GLE1: variants seen among roughly 807,000 people sequenced by gnomAD.
The protein encoded by GLE1 is GLE1 RNA export mediator.
A neutral mutation model predicts 97.3 loss-of-function variants in GLE1; 78 were observed. The ratio of observed to expected loss-of-function variants is 0.80; its 90% CI spans 0.67 to 0.97. The LOEUF (loss-of-function observed/expected upper bound fraction) is 0.97. Among genes scored for constraint, GLE1 ranks in the 50% least tolerant of loss-of-function variants. The pLI is 0.00. For missense variants in GLE1, 753 were observed against 857.5 expected, an observed-to-expected ratio of 0.88 and a Z score of 1.52; for synonymous variants, 302 against 313.4, an observed-to-expected ratio of 0.96 and a Z score of 0.39.
In GLE1 at chr9:128,524,072, C is replaced by CTTTTTTT. The variant is rs67466089; in HGVS notation, c.897+245_897+251dup. Reference sequence around the variant, plus strand: ...TTTTTATACCTGCTTATTCTGGAGTCTTTTTTTTTTTTTTTTTTTTTTTTT... The same window carrying CTTTTTTT: ...TTTTTATACCTGCTTATTCTGGAGTCTTTTTTTTTTTTTTTTTTTTTTTTTTTTTTTT... On this transcript the variant is annotated intron_variant, in intron 6 of 15. Coordinates refer to ENST00000309971, the MANE Select transcript of GLE1 (RefSeq NM_001003722.2). 1.1e-3 allele frequency among the ~76,000 whole-genome samples: 76 copies of CTTTTTTT among 69,978 alleles called. 1 individual carries two copies. Among genetic ancestry groups the CTTTTTTT allele is most frequent in the African/African-American group, 5.4e-3 (74 of 13,784 alleles). 45.9% of individuals were successfully genotyped at this position (69,978 alleles called of 152,430 possible).
Position 128,539,939 on chromosome 9 carries a change from G to A in GLE1, c.1964+241G>A, listed in dbSNP as rs993839506. On this transcript the variant is annotated intron_variant, in intron 14 of 15. Transcript: ENST00000309971. ...ACACAAATTAGGGGCTGAGCACAGT[G>A]GCTTATGCCTATAATTATGCCTATA... is the stretch of plus-strand genomic sequence containing the variant. 3.6e-6 allele frequency: 4 copies of A among 1,104,832 alleles called. No homozygotes were observed. In the African/African-American group the frequency reaches 6.3e-5, roughly 17 times the overall value. 68.4% of individuals were successfully genotyped at this position (1,104,832 alleles called of 1,614,324 possible).
At chr9:128,510,767 G>A (rs1329297705) in intron 2 of GLE1, among the ~76,000 whole-genome samples, 3 of 149,866 alleles carry the variant, frequency 2.0e-5, no homozygotes, top group Non-Finnish European at 4.4e-5. Context: ...GACCTCAGAT[G>A]ATCTACCCAC....
In GLE1 at chr9:128,509,856, C is replaced by T. The variant is rs116961622; in HGVS notation, c.321+759C>T. Among the ~76,000 whole-genome samples the T allele has an allele frequency of 9.6e-3, 1,465 of 151,820 alleles. 32 individuals carry two copies. The highest frequency in any genetic ancestry group is 0.073 in the East Asian group (375 of 5,158). On this transcript the variant is annotated intron_variant, in intron 2 of 15. Coordinates refer to ENST00000309971, the MANE Select transcript of GLE1 (RefSeq NM_001003722.2). ...AGCTTGTTGTCCTAGCTACTTGGGA[C>T]ATTGAGATGGGAGGATCACTTGAGC...
chr9:128,533,521 C>T lies in GLE1; in HGVS notation c.1321C>T (p.Leu441=), dbSNP rs1376659222. 10 of 1,582,042 alleles carry T rather than the reference C, an allele frequency of 6.3e-6. No homozygotes were observed. Among genetic ancestry groups the T allele is most frequent in the Non-Finnish European group, 8.6e-6 (10 of 1,159,490 alleles). The change falls in exon 10 of 16, where the codon CTG becomes TTG. Residue 441 remains leucine (L), a synonymous_variant. Coordinates refer to ENST00000309971, the MANE Select transcript of GLE1 (RefSeq NM_001003722.2). ...CTCTCTATCATGCTCAGGCTCAAAACTGAAGGAGATCTTTGACAAGATCCA... is the reference window on the plus strand; with the variant it reads ...CTCTCTATCATGCTCAGGCTCAAAATTGAAGGAGATCTTTGACAAGATCCA... The part of the protein sequence containing the change: ...SQISTIAGSK[L]KEIFDKIHSL...
At chr9:128,530,634 G>T (rs552976135) in intron 9 of GLE1, among the ~76,000 whole-genome samples, 48 of 152,250 alleles carry the variant, frequency 3.2e-4, no homozygotes, top group African/African-American at 1.1e-3. Flanking sequence ...GGTGGGCCGG[G>T]CGCGGTGGTT....
Position 128,522,706 on chromosome 9 carries a change from G to C in GLE1, c.471G>C (p.Lys157Asn). ...TATGGCAGGAGGAGCAGGAGAGGAA[G>C]GTGCAAGCCCTCTCGGAGATGGCAT... ...LRLWQEEQER[K>N]VQALSEMASE... is the part of the protein sequence containing the mutation. The change falls in exon 4 of 16, where the codon AAG becomes AAC. Residue 157 changes from lysine (K) to asparagine (N), a missense_variant. Coordinates refer to ENST00000309971, the MANE Select transcript of GLE1 (RefSeq NM_001003722.2). 6.2e-7 allele frequency: 1 copy of C among 1,613,400 alleles called. No individual in the cohort carries two copies. The highest frequency in any genetic ancestry group is 8.5e-7 in the Non-Finnish European group (1 of 1,179,842).
chr9:128,531,831 C>CAAAAAAA (rs1206684667), intron 9 of GLE1, among the ~76,000 whole-genome samples: 1 of 51,872 alleles, frequency 1.9e-5, no homozygotes, highest in South Asian at 6.4e-4. Context: ...GACTCCAGCT[C>CAAAAAAA]AAAAAAAAAA....
At chr9:128,540,013 T>G in intron 14 of GLE1, 2 of 667,270 alleles carry the variant, frequency 3.0e-6, no homozygotes, top group South Asian at 3.8e-5. Flanking sequence ...TGAGCCCAGG[T>G]GTTCAAAACC....
chr9:128,533,406 G>A, intron 9 of GLE1, 107 bp from the exon 10 acceptor site: 2 of 913,178 alleles, frequency 2.2e-6, no homozygotes, highest in South Asian at 3.1e-5. Context: ...CTCCAGCCTG[G>A]GCAGTAGAGT....
Position 128,515,585 on chromosome 9 carries a change from CA to C in GLE1, c.381del (p.Val128TrpfsTer14). On this transcript the variant is annotated frameshift_variant, in exon 3 of 16. Transcript: ENST00000309971. LOFTEE classifies it high-confidence loss of function. ...TGGTACTTCAGTCCTCACGGGGGAT[CA>C]AAGTGGAAGGCTGCGTCCGAATGTA... is the stretch of plus-strand genomic sequence containing the variant. ...SMVLQSSRGI[K>X]VEGCVRMYEL... The C allele has an allele frequency of 6.2e-7, 1 of 1,609,688 alleles. No individual in the cohort carries two copies. The highest frequency in any genetic ancestry group is 1.3e-5 in the African/African-American group (1 of 74,934).
At chr9:128,518,327 G>A (rs1339421033) in intron 3 of GLE1, among the ~76,000 whole-genome samples, 3 of 152,126 alleles carry the variant, frequency 2.0e-5, no homozygotes, top group African/African-American at 7.2e-5. Flanking sequence ...TTCGGAGGCC[G>A]AGGCAGGCAG....
intron 2 of GLE1, among the ~76,000 whole-genome samples, chr9:128,511,880 C>T (rs1017579093): frequency 7.2e-5 from 11 of 151,956 alleles, no homozygotes; most frequent in South Asian, 4.2e-4. Context: ...GGTGCAATCT[C>T]GGCTTAATGC....
intron 9 of GLE1, among the ~76,000 whole-genome samples, chr9:128,531,513 G>A (rs1192966633): frequency 3.4e-5 from 5 of 148,908 alleles, no homozygotes; most frequent in African/African-American, 7.4e-5. Flanking sequence ...GTGACAGAGT[G>A]AGACTTCATC....
At chr9:128,538,284 C>A (rs1847782385) in intron 13 of GLE1, among the ~76,000 whole-genome samples, 194 bp downstream of exon 13, 1 of 152,178 alleles carries the variant, frequency 6.6e-6, no homozygotes, top group Non-Finnish European at 1.5e-5. Context: ...ATTTACTTGG[C>A]TTCTCTGGAT....
chr9:128,540,316 T>C lies in GLE1; in HGVS notation c.2006T>C (p.Ile669Thr), dbSNP rs180872962. Reference protein sequence around the residue: ...ITSSGQMGSFIRLKQFLEKCL... With the variant: ...ITSSGQMGSFTRLKQFLEKCL... ...AGCTCAGGACAGATGGGCTCCTTCA[T>C]ACGCCTCAAGCAGTTCTTGGAGGTA... Residue 669 changes from isoleucine to threonine, a missense_variant, in exon 15 of 16, where the codon ATA (isoleucine) becomes ACA (threonine). By Grantham distance (89) the Ile-to-Thr change is moderately conservative. Transcript: ENST00000309971. 10 of 1,610,216 alleles carry C rather than the reference T, an allele frequency of 6.2e-6. No homozygotes were observed. In the Admixed American group the frequency reaches 1.7e-4, roughly 27 times the overall value.
rs910046440 is a variant in GLE1 at position 128,504,744 on chromosome 9, G to C, written c.-62G>C. The C allele has an allele frequency of 1.8e-6, 2 of 1,137,276 alleles. No individual in the cohort carries two copies. Among genetic ancestry groups the C allele is most frequent in the Non-Finnish European group, 2.7e-6 (2 of 749,818 alleles). 70.4% of individuals were successfully genotyped at this position (1,137,276 alleles called of 1,614,324 possible). A position where few individuals can be genotyped will look rare whatever the true frequency, so the allele number is the denominator to read the frequency against. ...AGAAGCCTGTGTGGCCTTCCCGGCGGCTGATTCGAGGGCTTGTTTGGTCAG... is the reference window on the plus strand; with the variant it reads ...AGAAGCCTGTGTGGCCTTCCCGGCGCCTGATTCGAGGGCTTGTTTGGTCAG... On this transcript the variant is annotated 5_prime_UTR_variant, in exon 1 of 16. Transcript: ENST00000309971.
At position 128,523,738 on chromosome 9, in the gene GLE1, T is replaced by G. The variant is rs771213614; in HGVS notation, c.789T>G (p.Asp263Glu). The change falls in exon 6 of 16, where the codon GAT becomes GAG. Residue 263 changes from aspartate to glutamate, a missense_variant. Physicochemically the swap from Asp to Glu is conservative, Grantham distance 45. Transcript: ENST00000309971. ...TGCTGCAGCTCAGCCAGCAGCTGGA[T>G]GCCTCTGAGCAGCACAAAGCCCTGC... Reference protein sequence around the residue: ...EEMLQLSQQLDASEQHKALLK... With the variant: ...EEMLQLSQQLEASEQHKALLK... 6.2e-7 allele frequency: 1 copy of G among 1,613,978 alleles called. No individual in the cohort carries two copies. Among genetic ancestry groups the G allele is most frequent in the Non-Finnish European group, 8.5e-7 (1 of 1,180,014 alleles).
chr9:128,527,935 G>T (rs1847351581), intron 9 of GLE1, among the ~76,000 whole-genome samples: 1 of 150,478 alleles, frequency 6.6e-6, no homozygotes, highest in Non-Finnish European at 1.5e-5. Context: ...CTTCACTCCA[G>T]CCTGGGTGAC....
chr9:128,527,378 C>A, intron 8 of GLE1, 78 bp from the exon 9 acceptor site: 1 of 1,277,980 alleles, frequency 7.8e-7, no homozygotes, highest in Non-Finnish European at 1.1e-6. Flanking sequence ...ATGTAGCTGG[C>A]ATGTCACTTT....
Sources: gnomAD v4.1 joint callset for allele counts (sites outside exome capture counted in the v4.1 genomes callset) on GRCh38, gnomAD v4.1.1 for gene constraint, MANE v1.5 for transcripts, NCBI Gene and HGNC (gene_info 2026-07-23, HGNC 2026-07-21) for gene names.